The following CLEC16A variants were observed in gnomAD, a reference collection of about 807,000 sequenced individuals.
CLEC16A encodes C-type lectin domain containing 16A.
A neutral mutation model predicts 109.5 loss-of-function variants in CLEC16A; 51 were observed. The observed-to-expected ratio is 0.47, with a 90% CI of 0.37 to 0.59. The LOEUF is 0.59. Among genes scored for constraint, CLEC16A ranks in the 20% least tolerant of loss-of-function variants. The pLI, the probability that CLEC16A is intolerant of heterozygous loss-of-function variation, is 0.00. For synonymous variants in CLEC16A, 673 were observed against 564.2 expected, an observed-to-expected ratio of 1.19 and a Z score of -2.73; for missense variants, 1,339 against 1,394.0, an observed-to-expected ratio of 0.96 and a Z score of 0.63.
chr16:11,037,468 G>A (rs1432554773), intron 13 of CLEC16A, among the ~76,000 whole-genome samples: 1 of 152,186 alleles, frequency 6.6e-6, no homozygotes, highest in Non-Finnish European at 1.5e-5. Flanking sequence ...ACGGAGAGTT[G>A]AGAAAAGTCG....
chr16:11,120,705 T>G lies in CLEC16A; in HGVS notation c.2207T>G (p.Leu736Trp). Residue 736 changes from leucine (L) to tryptophan (W), a missense_variant, in exon 20 of 24, where the codon TTG (leucine) becomes TGG (tryptophan). Around this residue, in one of 3 missense-constraint regions of CLEC16A, gnomAD observed 1,061 missense variants for 1,006.8 expected, o/e 1.05. Coordinates refer to ENST00000409790, the MANE Select transcript of CLEC16A (RefSeq NM_015226.3). ...GCTGTGGATATTTACCAGATGAGTTTGGTGGAGCCTGATGTGTCCAGGCTT... is the reference window on the plus strand; with the variant it reads ...GCTGTGGATATTTACCAGATGAGTTGGGTGGAGCCTGATGTGTCCAGGCTT... ...FLAVDIYQMS[L>W]VEPDVSRLGW... The G allele has an allele frequency of 5.6e-6, 9 of 1,608,418 alleles. No homozygotes were observed. The highest frequency in any genetic ancestry group is 7.6e-6 in the Non-Finnish European group (9 of 1,177,364).
chr16:11,084,481 C>A (rs917493591), intron 19 of CLEC16A, among the ~76,000 whole-genome samples: 1 of 152,030 alleles, frequency 6.6e-6, no homozygotes, highest in Non-Finnish European at 1.5e-5. Context: ...GGTTAGGGTC[C>A]GAGCCCACAA....
chr16:11,148,798 G>A (rs541590094), intron 22 of CLEC16A, among the ~76,000 whole-genome samples: 49 of 152,262 alleles, frequency 3.2e-4, no homozygotes, highest in African/African-American at 1.1e-3. Context: ...CCCTTTCTCC[G>A]AGCACAGCGA....
intron 3 of CLEC16A, among the ~76,000 whole-genome samples, chr16:10,968,345 T>C (rs1455558623): frequency 6.6e-6 from 1 of 152,242 alleles, no homozygotes; most frequent in Non-Finnish European, 1.5e-5. Flanking sequence ...AGTGTTGGAA[T>C]CTGGTTTTGC....
At chr16:11,092,991 C>G (rs1006140975) in intron 19 of CLEC16A, among the ~76,000 whole-genome samples, 1 of 152,192 alleles carries the variant, frequency 6.6e-6, no homozygotes, top group East Asian at 1.9e-4. Context: ...GTCGAGGCCC[C>G]CATGGAGCAG....
At chr16:10,948,795 C>T (rs2041567799) in intron 1 of CLEC16A, among the ~76,000 whole-genome samples, 1 of 152,208 alleles carries the variant, frequency 6.6e-6, no homozygotes, top group Non-Finnish European at 1.5e-5. Flanking sequence ...GGCCTTTTTC[C>T]ACCTTTCAGC....
At chr16:11,035,051 C>G (rs898119441) in intron 13 of CLEC16A, among the ~76,000 whole-genome samples, 33 of 152,292 alleles carry the variant, frequency 2.2e-4, no homozygotes, top group African/African-American at 7.7e-4. Flanking sequence ...CAGGTTGTTT[C>G]AGGCAGGAGG....
At chr16:11,057,697 T>C (rs1483943438) in intron 18 of CLEC16A, among the ~76,000 whole-genome samples, 6 of 152,254 alleles carry the variant, frequency 3.9e-5, no homozygotes, top group Non-Finnish European at 8.8e-5. Flanking sequence ...TATTTTTCCT[T>C]TTTAATAATA....
chr16:11,162,359 G>T (rs1300853622), intron 22 of CLEC16A, among the ~76,000 whole-genome samples: 1 of 152,252 alleles, frequency 6.6e-6, no homozygotes, highest in African/African-American at 2.4e-5. Flanking sequence ...GATCTCAGGA[G>T]GATGTTAGGA....
At chr16:11,111,182 G>A (rs1314724015) in intron 19 of CLEC16A, among the ~76,000 whole-genome samples, 1 of 152,150 alleles carries the variant, frequency 6.6e-6, no homozygotes, top group Admixed American at 6.5e-5. Context: ...ATTATCTATT[G>A]CTGAGTAACC....
Position 11,174,241 on chromosome 16 carries a change from G to A in CLEC16A, c.2807-4094G>A, listed in dbSNP as rs1389803761. ...GGCCACTGGGTTTAGTGCTCCGAAC[G>A]GCAGCTGCCACGGCACCTCACGCAC... On this transcript the variant is annotated intron_variant, in intron 23 of 23. Transcript: ENST00000409790. The surrounding 1 kb of genome is among the most constrained non-coding windows in gnomAD (Gnocchi z 4.7). The A allele has an allele frequency of 6.4e-6, 3 of 467,250 alleles. No homozygotes were observed. The highest frequency in any genetic ancestry group is 2.0e-5 in the African/African-American group (1 of 50,072). 28.9% of individuals were successfully genotyped at this position (467,250 alleles called of 1,614,324 possible). A position where few individuals can be genotyped will look rare whatever the true frequency, so the allele number is the denominator to read the frequency against.
At chr16:11,112,947 C>T (rs546269188) in intron 19 of CLEC16A, among the ~76,000 whole-genome samples, 3 of 152,314 alleles carry the variant, frequency 2.0e-5, no homozygotes, top group African/African-American at 7.2e-5. Context: ...CCCTGAACTC[C>T]TCTTGGTGGG....
chr16:11,117,725 T>G (rs2052103837), intron 19 of CLEC16A, among the ~76,000 whole-genome samples: 2 of 152,148 alleles, frequency 1.3e-5, no homozygotes, highest in African/African-American at 4.8e-5. Context: ...TGTCCACAGT[T>G]CGGTTAAACA....
Position 10,954,383 on chromosome 16 carries a change from C to CTCTGCCTA in CLEC16A, c.81-3397_81-3390dup, listed in dbSNP as rs2041888329. Among the ~76,000 whole-genome samples the CTCTGCCTA allele has an allele frequency of 1.3e-5, 2 of 152,174 alleles. No individual in the cohort carries two copies. The highest frequency in any genetic ancestry group is 2.9e-5 in the Non-Finnish European group (2 of 68,032). ...TTTTCAGGACTTACCGCCCTGCCCT[C>CTCTGCCTA]TCTGCCTATAAGGGCCTTCTGGTAG... On this transcript the variant is annotated intron_variant, in intron 1 of 23. Transcript: ENST00000409790. This position sits in a 1 kb window ranked among gnomAD's most constrained non-coding sequence, Gnocchi z 4.2.
At chr16:11,083,527 C>T (rs2049847691) in intron 19 of CLEC16A, among the ~76,000 whole-genome samples, 1 of 152,192 alleles carries the variant, frequency 6.6e-6, no homozygotes, top group Non-Finnish European at 1.5e-5. Context: ...GGGAGGGGCC[C>T]AGGTAGCACG....
chr16:10,950,245 C>T (rs2041656044), intron 1 of CLEC16A, among the ~76,000 whole-genome samples: 1 of 152,200 alleles, frequency 6.6e-6, no homozygotes, highest in African/African-American at 2.4e-5. Context: ...CCAATTTGAA[C>T]ATAAGAATCA....
intron 12 of CLEC16A, among the ~76,000 whole-genome samples, chr16:11,023,982 G>T (rs1043488172): frequency 6.6e-6 from 1 of 152,350 alleles, no homozygotes; most frequent in African/African-American, 2.4e-5. Context: ...CATTTGGGAT[G>T]TGCCATTTCC....
rs149949156 is a variant in CLEC16A at position 11,134,482 on chromosome 16, C to T, written c.2641+8336C>T. ...GAGCTCACATGAGATAGGCTGAGAT[C>T]TGTACCTCCCCTTCCTGCCTCTAAA... is the stretch of plus-strand genomic sequence containing the variant. On this transcript the variant is annotated intron_variant, in intron 22 of 23. Coordinates refer to ENST00000409790, the MANE Select transcript of CLEC16A (RefSeq NM_015226.3). 8.0e-3 allele frequency among the ~76,000 whole-genome samples: 1,214 copies of T among 152,276 alleles called. 22 individuals are homozygous for T. The highest frequency in any genetic ancestry group is 0.028 in the African/African-American group (1,155 of 41,554).
intron 13 of CLEC16A, among the ~76,000 whole-genome samples, chr16:11,033,344 T>C (rs2046851295): frequency 6.6e-6 from 1 of 152,178 alleles, no homozygotes; most frequent in South Asian, 2.1e-4. Flanking sequence ...TCCTGACTCC[T>C]TTCCCTGTGT....
Sources: allele counts gnomAD v4.1 joint callset (sites outside exome capture counted in the v4.1 genomes callset), GRCh38; gene constraint gnomAD v4.1.1; regional missense constraint gnomAD v4.1.1; non-coding constraint Gnocchi (gnomAD v3.1); transcripts MANE v1.5; gene names NCBI Gene and HGNC (gene_info 2026-07-23, HGNC 2026-07-21).